TBC1D14: variants seen among roughly 807,000 people sequenced by gnomAD.
The protein encoded by TBC1D14 is TBC1 domain family member 14.
A neutral mutation model predicts 79.0 loss-of-function variants in TBC1D14; 26 were observed. That is an observed-to-expected ratio of 0.33 (90% confidence interval 0.24 to 0.46). The LOEUF (loss-of-function observed/expected upper bound fraction) is 0.46, where lower values mean the gene tolerates loss of function less well. Ranked by LOEUF, TBC1D14 falls within the 20% of genes least tolerant of loss-of-function variation. The pLI is 1.00. For missense variants in TBC1D14, 769 were observed against 887.6 expected (o/e 0.87, Z 1.70); for synonymous variants, 394 against 349.9 (o/e 1.13, Z -1.40).
rs536283430 is a variant in TBC1D14 at position 6,938,781 on chromosome 4, C to T, written c.722+14670C>T. Among the ~76,000 whole-genome samples, 27 of 152,280 alleles carry T rather than the reference C, an allele frequency of 1.8e-4. 1 individual carries two copies. The South Asian group carries it at 2.1e-3, about 12-fold the overall frequency. ...CACCCAGGGGGCACAGGAGAGATGC[C>T]GGGGTGAGCATGTCTGTCACCACAG... On this transcript the variant is annotated intron_variant, in intron 2 of 13. Transcript: ENST00000409757.
At chr4:6,921,832 G>C (rs569032187) in intron 1 of TBC1D14, among the ~76,000 whole-genome samples, 1 of 151,924 alleles carries the variant, frequency 6.6e-6, no homozygotes, top group South Asian at 2.1e-4. Flanking sequence ...TAGTAGCTGA[G>C]ATTACAGGCG....
chr4:6,931,627 C>T (rs1200017180), intron 2 of TBC1D14, among the ~76,000 whole-genome samples: 1 of 152,140 alleles, frequency 6.6e-6, no homozygotes, highest in Non-Finnish European at 1.5e-5. Flanking sequence ...AACAGCTGTG[C>T]TTGTAAGGGT....
intron 10 of TBC1D14, among the ~76,000 whole-genome samples, chr4:7,010,314 A>G (rs1371869331): frequency 6.6e-6 from 1 of 152,198 alleles, no homozygotes; most frequent in East Asian, 1.9e-4. Context: ...TTTGATATTA[A>G]GCTTATTGAG....
intron 11 of TBC1D14, among the ~76,000 whole-genome samples, chr4:7,013,625 T>G (rs1159286138): frequency 2.0e-5 from 3 of 152,212 alleles, no homozygotes; most frequent in Non-Finnish European, 4.4e-5. Context: ...TTCCCCCTCG[T>G]TGCATTCAAA....
chr4:6,983,943 T>C (rs2109106517), intron 3 of TBC1D14, among the ~76,000 whole-genome samples: 1 of 152,356 alleles, frequency 6.6e-6, no homozygotes, highest in South Asian at 2.1e-4. Flanking sequence ...AGGGTAGTGT[T>C]GAGAGCACAG....
rs1364905537 is a variant in TBC1D14 at position 7,029,376 on chromosome 4, C to A, written c.2017-951C>A. ...GGACTTTGAGCACGTCACTTCCGTACATGTCTGTTGTTCAGGCCCCTCATG... is the reference window on the plus strand; with the variant it reads ...GGACTTTGAGCACGTCACTTCCGTAAATGTCTGTTGTTCAGGCCCCTCATG... On this transcript the variant is annotated intron_variant, in intron 13 of 13. Coordinates refer to ENST00000409757, the MANE Select transcript of TBC1D14 (RefSeq NM_020773.3). 2.0e-5 allele frequency among the ~76,000 whole-genome samples: 3 copies of A among 152,274 alleles called. No individual in the cohort carries two copies. In the East Asian group the frequency reaches 5.8e-4, roughly 29 times the overall value.
intron 11 of TBC1D14, 112 bp from the exon 12 acceptor site, chr4:7,014,336 A>G (rs1196378369): frequency 1.5e-6 from 1 of 663,968 alleles, no homozygotes; most frequent in African/African-American, 1.8e-5. Context: ...GTGTATTAGT[A>G]ATTACAGAAG....
chr4:6,934,358 G>A (rs1315653789), intron 2 of TBC1D14, among the ~76,000 whole-genome samples: 1 of 152,082 alleles, frequency 6.6e-6, no homozygotes, highest in Non-Finnish European at 1.5e-5. Flanking sequence ...TCAACAAGGG[G>A]AGGGGCAACT....
rs550887024 is a variant in TBC1D14 at position 6,964,035 on chromosome 4, A to G, written c.723-3269A>G. 5.3e-5 allele frequency among the ~76,000 whole-genome samples: 8 copies of G among 152,224 alleles called. No homozygotes were observed. The East Asian group carries it at 7.7e-4, about 15-fold the overall frequency. On this transcript the variant is annotated intron_variant, in intron 2 of 13. Coordinates refer to ENST00000409757, the MANE Select transcript of TBC1D14 (RefSeq NM_020773.3). ...GGTCTCGAACTCCTGGGCTCAGGCA[A>G]TCCACCCACCTCGGCCTCCCAAAGT...
At chr4:6,994,689 A>G (rs1718831557) in intron 4 of TBC1D14, among the ~76,000 whole-genome samples, 1 of 152,034 alleles carries the variant, frequency 6.6e-6, no homozygotes, top group African/African-American at 2.4e-5. Flanking sequence ...CTCTACTAAA[A>G]ATACAAAATA....
In TBC1D14 at chr4:7,026,154, CTT is replaced by C. The variant is rs34608007; in HGVS notation, c.2016+904_2016+905del. Among the ~76,000 whole-genome samples the C allele has an allele frequency of 3.4e-3, 500 of 146,732 alleles. 2 individuals carry two copies. Among genetic ancestry groups the C allele is most frequent in the Admixed American group, 5.0e-3 (73 of 14,696 alleles). ...CCCGAAATGTCTGTTCTTGATTTAA[CTT>C]TTTTTTTTTTTAATGGAAGATTTAA... On this transcript the variant is annotated intron_variant, in intron 13 of 13. Coordinates refer to ENST00000409757, the MANE Select transcript of TBC1D14 (RefSeq NM_020773.3).
chr4:7,003,897 A>T (rs1282912140), intron 7 of TBC1D14, among the ~76,000 whole-genome samples: 1 of 151,582 alleles, frequency 6.6e-6, no homozygotes, highest in Non-Finnish European at 1.5e-5. Flanking sequence ...CCACCTATTC[A>T]GGAGGCTGAG....
chr4:6,932,834 A>G (rs1711892159), intron 2 of TBC1D14, among the ~76,000 whole-genome samples: 1 of 152,150 alleles, frequency 6.6e-6, no homozygotes, highest in Non-Finnish European at 1.5e-5. Context: ...GCTGCTGCAT[A>G]ACAAATAACC....
intron 4 of TBC1D14, among the ~76,000 whole-genome samples, chr4:6,995,070 T>C (rs1577139441): frequency 6.6e-6 from 1 of 152,154 alleles, no homozygotes; most frequent in Non-Finnish European, 1.5e-5. Context: ...TCCCAGTGAA[T>C]GTGGGTCCTG....
At chr4:6,978,107 G>A (rs1165009374) in intron 3 of TBC1D14, among the ~76,000 whole-genome samples, 1 of 150,070 alleles carries the variant, frequency 6.7e-6, no homozygotes, top group South Asian at 2.1e-4. Context: ...GCCCCATCCG[G>A]GAGGGAGGTG....
At chr4:6,936,512 T>C (rs1712348675) in intron 2 of TBC1D14, among the ~76,000 whole-genome samples, 1 of 152,212 alleles carries the variant, frequency 6.6e-6, no homozygotes, top group Admixed American at 6.6e-5. Flanking sequence ...GTATGTACCG[T>C]AGTTTATCCA....
chr4:6,950,470 A>G (rs1332284140), intron 2 of TBC1D14, among the ~76,000 whole-genome samples: 1 of 152,228 alleles, frequency 6.6e-6, no homozygotes, highest in Non-Finnish European at 1.5e-5. Context: ...GGACTGGCAG[A>G]AATCCTAGTC....
intron 2 of TBC1D14, among the ~76,000 whole-genome samples, chr4:6,946,804 C>T (rs574000623): frequency 1.5e-4 from 23 of 152,188 alleles, no homozygotes; most frequent in Admixed American, 3.9e-4. Flanking sequence ...CTAAATCCCA[C>T]GTATATCCCC....
At chr4:6,995,454 C>T (rs1324860454) in intron 4 of TBC1D14, 1 of 151,870 alleles carries the variant, frequency 6.6e-6, no homozygotes, top group East Asian at 1.9e-4. Flanking sequence ...GTGTTTATCA[C>T]TGTTGCAGTT....
Sources: gnomAD v4.1 joint callset for allele counts (sites outside exome capture counted in the v4.1 genomes callset) on GRCh38, gnomAD v4.1.1 for gene constraint, MANE v1.5 for transcripts, NCBI Gene and HGNC (gene_info 2026-07-23, HGNC 2026-07-21) for gene names.